SAXO2: variants seen among roughly 807,000 people sequenced by gnomAD.
SAXO2 encodes the protein family with sequence similarity 154, member B.
A neutral mutation model predicts 18.7 loss-of-function variants in SAXO2; 17 were observed. The ratio of observed to expected loss-of-function variants is 0.91; its 90% CI spans 0.62 to 1.36. The LOEUF (loss-of-function observed/expected upper bound fraction) is 1.36. Among genes scored for constraint, SAXO2 ranks in the 40% most tolerant of loss-of-function variants. The pLI is 0.00. For missense variants in SAXO2, 486 were observed against 562.6 expected (o/e 0.86, Z 1.38); for synonymous variants, 163 against 181.2 (o/e 0.90, Z 0.81).
chr15:82,264,163 C>G (rs1257298040), intron 1 of SAXO2, among the ~76,000 whole-genome samples: 1 of 150,262 alleles, frequency 6.7e-6, no homozygotes, highest in Non-Finnish European at 1.5e-5. Context: ...CTCCGCCTCC[C>G]GGGTTCAAGC....
rs538908554 is a variant in SAXO2 at position 82,283,054 on chromosome 15, G to C, written c.1369G>C (p.Ala457Pro). 1.1e-5 allele frequency: 18 copies of C among 1,603,400 alleles called. No homozygotes were observed. Among genetic ancestry groups the C allele is most frequent in the Non-Finnish European group, 1.5e-5 (18 of 1,175,658 alleles). The stretch of plus-strand genomic sequence containing the variant: ...CCGCAAGATTATTCCTGCAGTGAAG[G>C]CCTTCTAATAACCAAAATGTGCTTA... The part of the protein sequence containing the change: ...FFRKIIPAVK[A>P]F The change falls in exon 4 of 4, where the codon GCC becomes CCC. Residue 457 changes from alanine (A) to proline (P), a missense_variant. By Grantham distance (27) the Ala-to-Pro change is conservative. Transcript: ENST00000682753.
At chr15:82,264,182 T>A (rs1372115563) in intron 1 of SAXO2, among the ~76,000 whole-genome samples, 1 of 150,418 alleles carries the variant, frequency 6.6e-6, no homozygotes, top group East Asian at 2.0e-4. Flanking sequence ...GCAATTCTCC[T>A]GCCTCAGCCT....
At chr15:82,269,069 A>G (rs2075246265) in intron 2 of SAXO2, among the ~76,000 whole-genome samples, 1 of 152,248 alleles carries the variant, frequency 6.6e-6, no homozygotes, top group Admixed American at 6.5e-5. Flanking sequence ...CATCCATTAA[A>G]TAAAAAATTA....
chr15:82,274,835 A>G (rs2075300948), intron 3 of SAXO2, among the ~76,000 whole-genome samples: 1 of 152,058 alleles, frequency 6.6e-6, no homozygotes, highest in South Asian at 2.1e-4. Context: ...AGATAGAAAT[A>G]TCTCAAATTA....
intron 1 of SAXO2, 131 bp from the exon 2 acceptor site, chr15:82,265,438 G>C: frequency 1.8e-6 from 1 of 550,532 alleles, no homozygotes; most frequent in Non-Finnish European, 2.6e-6. Context: ...CACTGTGCCC[G>C]GCCCAGTTTT....
At position 82,264,161 on chromosome 15, in the gene SAXO2, C is replaced by T. The variant is rs187857187; in HGVS notation, c.53+1229C>T. Among the ~76,000 whole-genome samples the T allele has an allele frequency of 1.7e-4, 25 of 150,968 alleles. No individual in the cohort carries two copies. In the East Asian group the frequency reaches 4.9e-3, roughly 29 times the overall value. ...TCTCGGCTCACTGCAATCTCCGCCT[C>T]CCGGGTTCAAGCAATTCTCCTGCCT... On this transcript the variant is annotated intron_variant, in intron 1 of 3. Transcript: ENST00000682753.
At chr15:82,265,335 G>T (rs944636229) in intron 1 of SAXO2, among the ~76,000 whole-genome samples, 1 of 152,070 alleles carries the variant, frequency 6.6e-6, no homozygotes, top group Non-Finnish European at 1.5e-5. Flanking sequence ...GTAGAGACGG[G>T]GTTTCACCGT....
chr15:82,273,935 A>C (rs997437024), intron 3 of SAXO2, among the ~76,000 whole-genome samples: 1 of 151,844 alleles, frequency 6.6e-6, no homozygotes, highest in African/African-American at 2.4e-5. Flanking sequence ...ACAGAGTTTC[A>C]CCATGTTGGT....
intron 2 of SAXO2, among the ~76,000 whole-genome samples, chr15:82,268,167 T>C (rs1385183430): frequency 6.6e-6 from 1 of 152,224 alleles, no homozygotes; most frequent in Non-Finnish European, 1.5e-5. Flanking sequence ...CACTTTAATT[T>C]ATTAATATTT....
Position 82,284,567 on chromosome 15 carries a change from G to A in SAXO2, c.*1505G>A, listed in dbSNP as rs934479920. 4 of 152,054 alleles carry A rather than the reference G, an allele frequency of 2.6e-5. No homozygotes were observed. Among genetic ancestry groups the A allele is most frequent in the Admixed American group, 2.6e-4 (4 of 15,280 alleles). The allele number at this position is 152,054 out of a possible 1,614,324, so 9.4% of individuals were successfully genotyped here. A position where few individuals can be genotyped will look rare whatever the true frequency, so the allele number is the denominator to read the frequency against. ...CATAATCACCTGGTTCACCTCTTCC[G>A]GTGTGAAGATAAGTGATAAGGTAAA... On this transcript the variant is annotated 3_prime_UTR_variant, in exon 4 of 4. Transcript: ENST00000682753.
chr15:82,275,386 T>C (rs1192473827), intron 3 of SAXO2, among the ~76,000 whole-genome samples: 1 of 150,848 alleles, frequency 6.6e-6, no homozygotes, highest in Non-Finnish European at 1.5e-5. Context: ...GTGAAAGTAT[T>C]CCAAAAATTG....
chr15:82,270,724 TTAC>T (rs1201461948), intron 2 of SAXO2, among the ~76,000 whole-genome samples: 1 of 152,210 alleles, frequency 6.6e-6, no homozygotes, highest in Non-Finnish European at 1.5e-5. Flanking sequence ...CATATTGATC[TTAC>T]TATGTACGAA....
chr15:82,267,943 G>A (rs2075235043), intron 2 of SAXO2, among the ~76,000 whole-genome samples: 1 of 152,190 alleles, frequency 6.6e-6, no homozygotes, highest in African/African-American at 2.4e-5. Context: ...CTGATTGAGT[G>A]CAGCAGGTCA....
chr15:82,270,463 G>A (rs147412100), intron 2 of SAXO2, among the ~76,000 whole-genome samples: 2,756 of 152,296 alleles, frequency 0.018, 28 homozygotes, highest in Non-Finnish European at 0.026. Context: ...CTGTATTAGG[G>A]AAGTGGCAGT....
chr15:82,264,067 G>GTT (rs1567086394), intron 1 of SAXO2, among the ~76,000 whole-genome samples: 6 of 134,160 alleles, frequency 4.5e-5, no homozygotes, highest in South Asian at 2.3e-4. Flanking sequence ...CATATGCATT[G>GTT]ATTTTTTTTT....
intron 3 of SAXO2, among the ~76,000 whole-genome samples, chr15:82,276,438 A>G (rs2075316102): frequency 1.3e-5 from 2 of 152,192 alleles, no homozygotes; most frequent in Admixed American, 6.5e-5. Flanking sequence ...GAGGCATTAC[A>G]TCTCCTGACT....
intron 2 of SAXO2, among the ~76,000 whole-genome samples, chr15:82,270,655 T>A (rs577443379): frequency 6.6e-6 from 1 of 152,288 alleles, no homozygotes; most frequent in South Asian, 2.1e-4. Flanking sequence ...CACGTGTCAA[T>A]AGAGTCCAGA....
At chr15:82,279,885 G>A (rs115564848) in intron 3 of SAXO2, among the ~76,000 whole-genome samples, 2,702 of 152,248 alleles carry the variant, frequency 0.018, 79 homozygotes, top group African/African-American at 0.062. Context: ...GCACTTCTTG[G>A]ACTTAAACCT....
At chr15:82,279,162 C>T (rs546996148) in intron 3 of SAXO2, among the ~76,000 whole-genome samples, 4 of 152,220 alleles carry the variant, frequency 2.6e-5, no homozygotes, top group Admixed American at 6.5e-5. Context: ...AGAGAGAAGA[C>T]ACCAATTACA....
Sources: gnomAD v4.1 joint callset for allele counts (sites outside exome capture counted in the v4.1 genomes callset) on GRCh38, gnomAD v4.1.1 for gene constraint, MANE v1.5 for transcripts, NCBI Gene and HGNC (gene_info 2026-07-23, HGNC 2026-07-21) for gene names.